The following TIAM1 variants were observed in gnomAD, a reference collection of about 807,000 sequenced individuals.
The protein encoded by TIAM1 is TIAM Rac1 associated GEF 1.
In TIAM1, 65 loss-of-function variants were observed where a neutral mutation model predicts 163.5. The observed-to-expected ratio is 0.40, with a 90% confidence interval of 0.33 to 0.49. TIAM1 has a LOEUF of 0.49. Ranked by LOEUF, TIAM1 falls within the 20% of genes least tolerant of loss-of-function variation. The probability of loss-of-function intolerance (pLI) is 0.77; values close to 1 mark genes in which losing one functional copy is unlikely to be tolerated. For missense variants in TIAM1, 1,789 were observed against 2,044.7 expected, an observed-to-expected ratio of 0.87 and a Z score of 2.41; for synonymous variants, 833 against 810.1, an observed-to-expected ratio of 1.03 and a Z score of -0.48.
intron 2 of TIAM1, among the ~76,000 whole-genome samples, chr21:31,361,682 T>G (rs1431748737): frequency 6.6e-6 from 1 of 152,200 alleles, no homozygotes; most frequent in Non-Finnish European, 1.5e-5. Flanking sequence ...TAAATATCAC[T>G]GCTTCATTAA....
intron 10 of TIAM1, among the ~76,000 whole-genome samples, chr21:31,211,407 G>C (rs2086881577): frequency 6.6e-6 from 1 of 152,220 alleles, no homozygotes; most frequent in Non-Finnish European, 1.5e-5. Flanking sequence ...TATATGCTAA[G>C]TAATAGGCCT....
chr21:31,428,455 C>T (rs1434903674), intron 2 of TIAM1, among the ~76,000 whole-genome samples: 3 of 152,128 alleles, frequency 2.0e-5, no homozygotes, highest in Non-Finnish European at 4.4e-5. Context: ...ATACATTAAG[C>T]GATTCTCTCG....
intron 15 of TIAM1, among the ~76,000 whole-genome samples, chr21:31,171,914 G>A (rs190547831): frequency 5.9e-5 from 9 of 152,248 alleles, no homozygotes; most frequent in East Asian, 1.9e-4. Flanking sequence ...AGTGAGTAAG[G>A]CCATCTTAAA....
At chr21:31,540,862 AAG>A (rs955988696) in intron 1 of TIAM1, among the ~76,000 whole-genome samples, 37 of 152,244 alleles carry the variant, frequency 2.4e-4, no homozygotes, top group South Asian at 6.2e-4. Flanking sequence ...GAAATGGAGA[AAG>A]AGAGAGAGCC....
intron 7 of TIAM1, among the ~76,000 whole-genome samples, chr21:31,225,413 G>A (rs1167037234): frequency 6.6e-6 from 1 of 152,140 alleles, no homozygotes; most frequent in Admixed American, 6.5e-5. Context: ...CTGATAACAT[G>A]GGAAATGAAA....
chr21:31,226,032 C>G lies in TIAM1; in HGVS notation c.1585-82G>C, dbSNP rs1270099438. 15 of 1,283,138 alleles carry G rather than the reference C, an allele frequency of 1.2e-5. No individual in the cohort carries two copies. In the East Asian group the frequency reaches 3.4e-4, roughly 29 times the overall value. 79.5% of individuals were successfully genotyped at this position (1,283,138 alleles called of 1,614,324 possible). ...ATGAACCGGAGCATTTCCAGAGAAG[C>G]AATGCCTGGGAGTCGAGGTGACAGG... On this transcript the variant is annotated intron_variant, in intron 6 of 27. Coordinates refer to ENST00000541036, the MANE Select transcript of TIAM1 (RefSeq NM_001353694.2).
At chr21:31,444,211 G>A (rs1437606477) in intron 2 of TIAM1, among the ~76,000 whole-genome samples, 2 of 152,140 alleles carry the variant, frequency 1.3e-5, no homozygotes, top group Non-Finnish European at 2.9e-5. Context: ...CAACTTTAAT[G>A]CACTCTTAAG....
At chr21:31,299,645 C>A (rs2074426034) in intron 2 of TIAM1, among the ~76,000 whole-genome samples, 1 of 152,152 alleles carries the variant, frequency 6.6e-6, no homozygotes, top group Admixed American at 6.5e-5. Flanking sequence ...TCTCAAGCCC[C>A]AAGGCACGAC....
chr21:31,253,172 G>A (rs1004839940), intron 4 of TIAM1, among the ~76,000 whole-genome samples: 1 of 152,228 alleles, frequency 6.6e-6, no homozygotes, highest in African/African-American at 2.4e-5. Context: ...ACTCACTGCA[G>A]TATTGGACAG....
intron 3 of TIAM1, among the ~76,000 whole-genome samples, chr21:31,268,395 T>C (rs925227446): frequency 5.9e-5 from 9 of 152,352 alleles, no homozygotes; most frequent in Non-Finnish European, 8.8e-5. Flanking sequence ...TACCTTCACA[T>C]TGATCCCAGA....
chr21:31,544,623 G>A (rs960744745), intron 1 of TIAM1, among the ~76,000 whole-genome samples: 11 of 152,010 alleles, frequency 7.2e-5, no homozygotes, highest in South Asian at 2.1e-4. Flanking sequence ...GCAAGACTCC[G>A]TCTCAAAATA....
chr21:31,525,003 C>T (rs1045424952), intron 1 of TIAM1, among the ~76,000 whole-genome samples: 5 of 151,990 alleles, frequency 3.3e-5, no homozygotes, highest in African/African-American at 4.8e-5. Flanking sequence ...CAGGAAGCTT[C>T]CACTCATGGT....
At chr21:31,517,239 G>A (rs754127063) in intron 1 of TIAM1, among the ~76,000 whole-genome samples, 1 of 151,978 alleles carries the variant, frequency 6.6e-6, no homozygotes, top group African/African-American at 2.4e-5. Flanking sequence ...TCTGTGTAAA[G>A]AGCTTTAAAA....
At chr21:31,410,763 A>T (rs2077343593) in intron 2 of TIAM1, among the ~76,000 whole-genome samples, 1 of 151,862 alleles carries the variant, frequency 6.6e-6, no homozygotes, top group Non-Finnish European at 1.5e-5. Context: ...GAGGGGAGAG[A>T]AAAGAGAGAG....
chr21:31,280,363 T>C (rs781169792), intron 2 of TIAM1, among the ~76,000 whole-genome samples: 3 of 152,194 alleles, frequency 2.0e-5, no homozygotes, highest in Non-Finnish European at 4.4e-5. Context: ...ACGAGCTCTC[T>C]CTTTGCCTAC....
chr21:31,295,945 A>G (rs1255531550), intron 2 of TIAM1, among the ~76,000 whole-genome samples: 3 of 152,010 alleles, frequency 2.0e-5, no homozygotes, highest in Admixed American at 6.6e-5. Context: ...TTACAGGCAT[A>G]CAACACCGCT....
chr21:31,479,452 G>A, intron 1 of TIAM1, among the ~76,000 whole-genome samples: 1 of 67,994 alleles, frequency 1.5e-5, no homozygotes, highest in African/African-American at 5.2e-5. Context: ...AGGATGGATG[G>A]ATAGATGGAT....
chr21:31,391,948 A>C (rs1280594837), intron 2 of TIAM1, among the ~76,000 whole-genome samples: 2 of 152,182 alleles, frequency 1.3e-5, no homozygotes, highest in African/African-American at 4.8e-5. Context: ...CCATACGCCC[A>C]TGCTGTTTTT....
Position 31,210,294 on chromosome 21 carries a change from T to C in TIAM1, c.2218-79A>G, listed in dbSNP as rs2086655417. 2.0e-6 allele frequency: 3 copies of C among 1,490,004 alleles called. No individual in the cohort carries two copies. In the South Asian group the frequency reaches 3.7e-5, roughly 18 times the overall value. 92.3% of individuals were successfully genotyped at this position (1,490,004 alleles called of 1,614,324 possible). On this transcript the variant is annotated intron_variant, in intron 10 of 27. Transcript: ENST00000541036. The stretch of plus-strand genomic sequence containing the variant: ...TAGATTCCCAGACTGCACACAGGAA[T>C]CACCGATTCCCATGAAAACAGCCCA...
Sources: allele counts gnomAD v4.1 joint callset (sites outside exome capture counted in the v4.1 genomes callset), GRCh38; gene constraint gnomAD v4.1.1; transcripts MANE v1.5; gene names NCBI Gene and HGNC (gene_info 2026-07-23, HGNC 2026-07-21).